SMARCA4: variants seen among roughly 807,000 people sequenced by gnomAD.
The protein encoded by SMARCA4 is SWI/SNF-related matrix-associated actin-dependent regulator of chromatin subfamily A member 4.
In SMARCA4, 31 loss-of-function variants were observed where a neutral mutation model predicts 193.9. That is an observed-to-expected ratio of 0.16 (90% CI 0.12 to 0.22). SMARCA4 has a LOEUF of 0.22. Ranked by LOEUF, SMARCA4 falls within the 10% of genes least tolerant of loss-of-function variation. The pLI is 1.00. For missense variants in SMARCA4, 1,148 were observed against 2,296.0 expected, an observed-to-expected ratio of 0.50 and a Z score of 10.22; for synonymous variants, 942 against 933.1, an observed-to-expected ratio of 1.01 and a Z score of -0.17.
intron 24 of SMARCA4, among the ~76,000 whole-genome samples, chr19:11,028,280 T>G (rs1277667772): frequency 6.6e-6 from 1 of 152,188 alleles, no homozygotes; most frequent in African/African-American, 2.4e-5. Flanking sequence ...ACCAATAGGC[T>G]TACATAGCTC....
chr19:11,034,066 C>A lies in SMARCA4; in HGVS notation c.3874-57C>A, dbSNP rs1179008091. ...GGACGCCGCCGCTCGCCTCTGAGCT[C>A]GGCCGCCGCCCACCCCGGCCCCTCC... On this transcript the variant is annotated intron_variant, in intron 27 of 34. Coordinates refer to ENST00000344626, the MANE Select transcript of SMARCA4 (RefSeq NM_003072.5). The surrounding 1 kb of genome is among the most constrained non-coding windows in gnomAD (Gnocchi z 7.0). 1 of 1,391,556 alleles carries A rather than the reference C, an allele frequency of 7.2e-7. No individual in the cohort carries two copies. Among genetic ancestry groups the A allele is most frequent in the Non-Finnish European group, 1.0e-6 (1 of 978,808 alleles). 86.2% of individuals were successfully genotyped at this position (1,391,556 alleles called of 1,614,324 possible). A position where few individuals can be genotyped will look rare whatever the true frequency, so the allele number is the denominator to read the frequency against.
At chr19:11,029,103 G>A (rs919449027) in intron 24 of SMARCA4, among the ~76,000 whole-genome samples, 5 of 152,190 alleles carry the variant, frequency 3.3e-5, no homozygotes, top group African/African-American at 1.2e-4. Context: ...CTGTTGCAGG[G>A]GTCTCCCCGG....
intron 30 of SMARCA4, among the ~76,000 whole-genome samples, chr19:11,044,803 G>A (rs2075807557): frequency 6.6e-6 from 1 of 152,138 alleles, no homozygotes; most frequent in Admixed American, 6.6e-5. Context: ...TGCAGCCCTC[G>A]TTCTACCCAG....
rs757566936 is a variant in SMARCA4 at position 10,986,207 on chromosome 19, G to A, written c.374G>A (p.Gly125Asp). Reference protein sequence around the residue: ...QHSQGYPSPLGGSEHASSPVP... With the variant: ...QHSQGYPSPLDGSEHASSPVP... ...TCTGCAGGTTACCCCTCGCCCCTGG[G>A]TGGCTCTGAGCATGCCTCTAGTCCA... is the stretch of plus-strand genomic sequence containing the variant. Residue 125 changes from glycine (G) to aspartate (D), a missense_variant, in exon 4 of 35, where the codon GGT becomes GAT. Gly to Asp is a moderately conservative substitution (Grantham distance 94). Coordinates refer to ENST00000344626, the MANE Select transcript of SMARCA4 (RefSeq NM_003072.5). This position sits in a 1 kb window ranked among gnomAD's most constrained non-coding sequence, Gnocchi z 6.7. 3 of 1,613,904 alleles carry A rather than the reference G, an allele frequency of 1.9e-6. No individual in the cohort carries two copies. Among genetic ancestry groups the A allele is most frequent in the Non-Finnish European group, 2.5e-6 (3 of 1,180,004 alleles).
At chr19:10,992,907 A>G (rs1307051477) in intron 8 of SMARCA4, among the ~76,000 whole-genome samples, 2 of 148,796 alleles carry the variant, frequency 1.3e-5, no homozygotes, top group Non-Finnish European at 3.0e-5. Flanking sequence ...ATTTTTTTAT[A>G]TATATTATTT....
chr19:11,015,304 G>A (rs1215319218), intron 16 of SMARCA4, among the ~76,000 whole-genome samples: 1 of 152,186 alleles, frequency 6.6e-6, no homozygotes, highest in Non-Finnish European at 1.5e-5. Context: ...CCTTGCTCTG[G>A]TCCAGGATCC....
intron 7 of SMARCA4, 56 bp from the exon 8 acceptor site, chr19:10,991,094 A>G: frequency 8.7e-6 from 14 of 1,607,072 alleles, no homozygotes; most frequent in Non-Finnish European, 8.5e-6. Flanking sequence ...CGTGTTTGTC[A>G]TTGTGGATGC....
At chr19:11,051,335 G>C (rs573256847) in intron 30 of SMARCA4, among the ~76,000 whole-genome samples, 12 of 152,294 alleles carry the variant, frequency 7.9e-5, no homozygotes, top group African/African-American at 1.7e-4. Context: ...CAGGTGTGTG[G>C]AGTTGGCAGC....
intron 19 of SMARCA4, among the ~76,000 whole-genome samples, chr19:11,023,234 C>T (rs944810273): frequency 5.3e-5 from 8 of 152,182 alleles, no homozygotes; most frequent in African/African-American, 1.9e-4. Flanking sequence ...TGCCCGCTGC[C>T]GGGGGTCTTT....
intron 32 of SMARCA4, chr19:11,059,131 A>G: frequency 2.1e-6 from 1 of 486,632 alleles, no homozygotes; most frequent in Non-Finnish European, 3.7e-6. Flanking sequence ...AGAAAAAATT[A>G]AAAATTTCCA....
At position 11,019,208 on chromosome 19, in the gene SMARCA4, G is replaced by T; in HGVS notation, c.2505+185G>T. 1 of 681,934 alleles carries T rather than the reference G, an allele frequency of 1.5e-6. No homozygotes were observed. The highest frequency in any genetic ancestry group is 2.7e-6 in the Non-Finnish European group (1 of 373,224). 42.2% of individuals were successfully genotyped at this position (681,934 alleles called of 1,614,324 possible). A position where few individuals can be genotyped will look rare whatever the true frequency, so the allele number is the denominator to read the frequency against. On this transcript the variant is annotated intron_variant, in intron 17 of 34. Coordinates refer to ENST00000344626, the MANE Select transcript of SMARCA4 (RefSeq NM_003072.5). This position sits in a 1 kb window ranked among gnomAD's most constrained non-coding sequence, Gnocchi z 6.1. ...GGAGTTTGGACTGGGCAGGGACAGGGCAGATTAGCTCACTGGGGAGGAGAC... is the reference window on the plus strand; with the variant it reads ...GGAGTTTGGACTGGGCAGGGACAGGTCAGATTAGCTCACTGGGGAGGAGAC...
rs538345417 is a variant in SMARCA4, at chr19:10,987,805, C to T, written c.999C>T (p.Pro333=). The change falls in exon 6 of 35, where the codon CCC becomes CCT. Residue 333 remains proline, a synonymous_variant. Coordinates refer to ENST00000344626, the MANE Select transcript of SMARCA4 (RefSeq NM_003072.5). The surrounding 1 kb of genome is among the most constrained non-coding windows in gnomAD (Gnocchi z 5.3). Reference sequence around the variant, plus strand: ...TGATGCCACCGCAGACCCAGTCCCCCGGGCAGCCGGCCCAGCCCGCGCCCA... The same window carrying T: ...TGATGCCACCGCAGACCCAGTCCCCTGGGCAGCCGGCCCAGCCCGCGCCCA... The part of the protein sequence containing the change: ...SPVMPPQTQS[P]GQPAQPAPMV... 73 of 1,603,270 alleles carry T rather than the reference C, an allele frequency of 4.6e-5. No individual in the cohort carries two copies. Among genetic ancestry groups the T allele is most frequent in the African/African-American group, 4.0e-4 (30 of 74,796 alleles).
chr19:11,035,793 A>G (rs2075235304), intron 29 of SMARCA4, among the ~76,000 whole-genome samples: 1 of 152,242 alleles, frequency 6.6e-6, no homozygotes, highest in Admixed American at 6.5e-5. Context: ...TCCCAGCCCA[A>G]GGCACACTGT....
chr19:10,972,194 A>G (rs975548011), intron 1 of SMARCA4, among the ~76,000 whole-genome samples: 1 of 151,954 alleles, frequency 6.6e-6, no homozygotes. Context: ...CCTGACCTCA[A>G]GTTATCCACT....
intron 34 of SMARCA4, chr19:11,060,449 G>T: frequency 1.7e-6 from 1 of 578,140 alleles, no homozygotes; most frequent in Non-Finnish European, 3.1e-6. Flanking sequence ...GAGTCCTCAG[G>T]ACAGGCAGCA....
At chr19:11,009,924 G>T (rs1257343979) in intron 14 of SMARCA4, among the ~76,000 whole-genome samples, 3 of 151,786 alleles carry the variant, frequency 2.0e-5, no homozygotes, top group Non-Finnish European at 4.4e-5. Context: ...CCTGACCTCA[G>T]GTGATCCACA....
intron 6 of SMARCA4, among the ~76,000 whole-genome samples, chr19:10,988,348 C>T (rs891762128): frequency 2.6e-5 from 4 of 152,148 alleles, no homozygotes; most frequent in African/African-American, 7.2e-5. Context: ...GTCTCGAGCT[C>T]CTGACCTCAG....
chr19:10,977,724 A>T (rs1340283872), intron 1 of SMARCA4: 1 of 152,258 alleles, frequency 6.6e-6, no homozygotes, highest in African/African-American at 2.4e-5. Flanking sequence ...TCCTAGTGCG[A>T]TACCTTTCAC....
At chr19:10,997,800 T>G (rs1225378359) in intron 11 of SMARCA4, among the ~76,000 whole-genome samples, 1 of 152,030 alleles carries the variant, frequency 6.6e-6, no homozygotes, top group Non-Finnish European at 1.5e-5. Flanking sequence ...TCTTTGAGAG[T>G]CAAATGCAGA....
Sources: gnomAD v4.1 joint callset for allele counts (sites outside exome capture counted in the v4.1 genomes callset) on GRCh38, gnomAD v4.1.1 for gene constraint, Gnocchi (gnomAD v3.1) non-coding constraint, MANE v1.5 for transcripts, NCBI Gene and HGNC (gene_info 2026-07-23, HGNC 2026-07-21) for gene names.